Variants in MKI67 observed in about 807,000 individuals in gnomAD.
MKI67 encodes marker of proliferation Ki-67, also known as proliferation marker protein Ki-67.
In MKI67, 152 loss-of-function variants were observed where a neutral mutation model predicts 233.5. The ratio of observed to expected loss-of-function variants is 0.65; its 90% CI spans 0.57 to 0.74. MKI67 has a LOEUF of 0.74. Ranked by LOEUF, MKI67 falls within the 30% of genes least tolerant of loss-of-function variation. The pLI is 0.00. For missense variants in MKI67, 3,940 were observed against 3,885.2 expected, an observed-to-expected ratio of 1.01 and a Z score of -0.37; for synonymous variants, 1,465 against 1,418.5, an observed-to-expected ratio of 1.03 and a Z score of -0.74.
chr10:128,105,725 T>C lies in MKI67; in HGVS notation c.6115A>G (p.Ile2039Val). The change falls in exon 13 of 15, where the codon ATC becomes GTC. Residue 2039 changes from isoleucine to valine, a missense_variant. By Grantham distance (29) the Ile-to-Val change is conservative. Transcript: ENST00000368654. ...HRETAGDGKS[I>V]KAFKESAKQM... ...TTTGCAGATTCCTTAAACGCTTTGA[T>C]GCTCTTTCCATCTCCTGCTGTCTCT... 1.9e-6 allele frequency: 3 copies of C among 1,614,142 alleles called. No homozygotes were observed. Among genetic ancestry groups the C allele is most frequent in the Non-Finnish European group, 2.5e-6 (3 of 1,179,998 alleles).
rs553411474 is a variant in MKI67 at position 128,108,550 on chromosome 10, T to C, written c.3290A>G (p.Gln1097Arg). 3.7e-6 allele frequency: 6 copies of C among 1,614,232 alleles called. No individual in the cohort carries two copies. The East Asian group carries it at 1.1e-4, about 30-fold the overall frequency. Residue 1097 changes from glutamine to arginine, a missense_variant, in exon 13 of 15, where the codon CAG becomes CGG. Coordinates refer to ENST00000368654, the MANE Select transcript of MKI67 (RefSeq NM_002417.5). ...GAAGCCAGCCAGGTCTTCTAGTGAC[T>C]GGGCCTCTTCCTTAGGCGTTCTTGG... ...KWPRTPKEEAQSLEDLAGFKE... is the reference protein window; with the variant it reads ...KWPRTPKEEARSLEDLAGFKE...
At chr10:128,124,886 A>G (rs1853021847) in intron 2 of MKI67, among the ~76,000 whole-genome samples, 1 of 151,952 alleles carries the variant, frequency 6.6e-6, no homozygotes, top group South Asian at 2.1e-4. Flanking sequence ...GGGAGGAACA[A>G]GGTAGGGGAT....
rs376757472 is a variant in MKI67, at chr10:128,104,740, G to T, written c.7100C>A (p.Ala2367Glu). ...KQRPKRNLRK[A>E]DVEEEFLALR... ...TGCTAAAAATTCTTCCTCTACGTCT[G>T]CTTTCCTGAGGTTTCTCTTGGGCCG... The change falls in exon 13 of 15, where the codon GCA (alanine) becomes GAA (glutamate). Residue 2367 changes from alanine (A) to glutamate (E), a missense_variant. Transcript: ENST00000368654. 16 of 1,613,778 alleles carry T rather than the reference G, an allele frequency of 9.9e-6. No homozygotes were observed. Among genetic ancestry groups the T allele is most frequent in the African/African-American group, 2.7e-5 (2 of 74,806 alleles).
In MKI67 at chr10:128,102,812, T is replaced by G. The variant is rs370598785; in HGVS notation, c.9028A>C (p.Lys3010Gln). 2 of 1,614,240 alleles carry G rather than the reference T, an allele frequency of 1.2e-6. No individual in the cohort carries two copies. The highest frequency in any genetic ancestry group is 1.7e-5 in the Admixed American group (1 of 60,030). ...GGTGCTGGCATGCAGCGCAGCCTCT[T>G]GGTTCCCGTGACGCTTCCATCTTTG... ...GGKDGSVTGT[K>Q]RLRCMPAPEE... The change falls in exon 13 of 15, where the codon AAG becomes CAG. Residue 3010 changes from lysine (K) to glutamine (Q), a missense_variant. Lys to Gln is a moderately conservative substitution (Grantham distance 53). Coordinates refer to ENST00000368654, the MANE Select transcript of MKI67 (RefSeq NM_002417.5).
chr10:128,115,887 C>T lies in MKI67; in HGVS notation c.521G>A (p.Ser174Asn). ...AACATTAGTTGTTCCCTGAGCAACA[C>T]TGTCTTTTGAGTCATCTGCGGTACT... ...EDSTADDSKD[S>N]VAQGTTNVHS... Residue 174 changes from serine (S) to asparagine (N), a missense_variant, in exon 7 of 15, where the codon AGT becomes AAT. Coordinates refer to ENST00000368654, the MANE Select transcript of MKI67 (RefSeq NM_002417.5). The T allele has an allele frequency of 6.2e-7, 1 of 1,609,690 alleles. No homozygotes were observed.
chr10:128,106,686 C>G lies in MKI67; in HGVS notation c.5154G>C (p.Gln1718His). 2 of 1,614,146 alleles carry G rather than the reference C, an allele frequency of 1.2e-6. No individual in the cohort carries two copies. Among genetic ancestry groups the G allele is most frequent in the Non-Finnish European group, 1.7e-6 (2 of 1,180,038 alleles). Residue 1718 changes from glutamine (Q) to histidine (H), a missense_variant, in exon 13 of 15, where the codon CAG becomes CAC. Coordinates refer to ENST00000368654, the MANE Select transcript of MKI67 (RefSeq NM_002417.5). ...EDLAGFIELFQTPSHTKESMT... is the reference protein window; with the variant it reads ...EDLAGFIELFHTPSHTKESMT... ...TTGATTCCTTAGTGTGACTTGGTGT[C>G]TGGAAGAGCTCGATGAAGCCGGCCA... is the stretch of plus-strand genomic sequence containing the variant.
Position 128,111,632 on chromosome 10 carries a change from A to T in MKI67, c.2260+13T>A. The stretch of plus-strand genomic sequence containing the variant: ...AGTCAAAAGATTTATAAGATCTAAG[A>T]CTACGTTTTTACCTGAAAGATCTTC... On this transcript the variant is annotated intron_variant, in intron 11 of 14. Transcript: ENST00000368654. 6.2e-7 allele frequency: 1 copy of T among 1,604,222 alleles called. No homozygotes were observed. The highest frequency in any genetic ancestry group is 8.5e-7 in the Non-Finnish European group (1 of 1,175,358).
chr10:128,125,852 G>A lies in MKI67; in HGVS notation c.-89-96C>T, dbSNP rs1853044559. 6.3e-6 allele frequency: 4 copies of A among 633,974 alleles called. No homozygotes were observed. The Admixed American group carries it at 9.9e-5, about 16-fold the overall frequency. 39.3% of individuals were successfully genotyped at this position (633,974 alleles called of 1,614,324 possible). On this transcript the variant is annotated intron_variant, in intron 1 of 14. Transcript: ENST00000368654. This position sits in a 1 kb window ranked among gnomAD's most constrained non-coding sequence, Gnocchi z 5.3. ...CCCGGCCACAGAAGCGCACACCGCA[G>A]CTAGCTAGCGGGGACCCCAGGACGA... is the stretch of plus-strand genomic sequence containing the variant.
chr10:128,126,199 C>T lies in MKI67; in HGVS notation c.-190G>A, dbSNP rs1853051707. ...GAGCCGGCGCCGCGCTCACCTCCGC[C>T]CGGTAAGCTGCGCCCGCCACGCTCC... On this transcript the variant is annotated 5_prime_UTR_variant, in exon 1 of 15. Coordinates refer to ENST00000368654, the MANE Select transcript of MKI67 (RefSeq NM_002417.5). The T allele has an allele frequency of 2.5e-5, 4 of 157,444 alleles. No homozygotes were observed. The South Asian group carries it at 7.2e-4, about 28-fold the overall frequency. 9.8% of individuals were successfully genotyped at this position (157,444 alleles called of 1,614,324 possible). A position where few individuals can be genotyped will look rare whatever the true frequency, so the allele number is the denominator to read the frequency against.
intron 12 of MKI67, among the ~76,000 whole-genome samples, chr10:128,110,131 G>A (rs942060987): frequency 6.6e-6 from 1 of 152,162 alleles, no homozygotes; most frequent in Non-Finnish European, 1.5e-5. Flanking sequence ...CAATAAAGAA[G>A]CCAAAAGTGT....
At chr10:128,112,701 G>C (rs1331911202) in intron 8 of MKI67, among the ~76,000 whole-genome samples, 1 of 152,188 alleles carries the variant, frequency 6.6e-6, no homozygotes, top group Admixed American at 6.5e-5. Flanking sequence ...ATCAGTGAAA[G>C]ACAAGCAGGG....
At chr10:128,121,441 G>T (rs1458081524) in intron 4 of MKI67, among the ~76,000 whole-genome samples, 2 of 134,378 alleles carry the variant, frequency 1.5e-5, no homozygotes, top group Admixed American at 8.0e-5. Flanking sequence ...AGTATATACT[G>T]TATACAGTAT....
chr10:128,119,184 A>G, intron 5 of MKI67, 69 bp downstream of exon 5: 2 of 1,135,972 alleles, frequency 1.8e-6, no homozygotes. Flanking sequence ...GTAAGAAATC[A>G]TTAAAGCATA....
intron 5 of MKI67, among the ~76,000 whole-genome samples, chr10:128,117,210 C>A (rs1201271048): frequency 6.6e-6 from 1 of 152,196 alleles, no homozygotes; most frequent in Non-Finnish European, 1.5e-5. Context: ...GATCTGTAAC[C>A]CCCCACGAGC....
At position 128,106,592 on chromosome 10, in the gene MKI67, T is replaced by C. The variant is rs1852503386; in HGVS notation, c.5248A>G (p.Ser1750Gly). Residue 1750 changes from serine to glycine, a missense_variant, in exon 13 of 15, where the codon AGC becomes GGC. Ser to Gly is a moderately conservative substitution (Grantham distance 56). Coordinates refer to ENST00000368654, the MANE Select transcript of MKI67 (RefSeq NM_002417.5). ...SQPDLVDTPTSSKPQPKRSLR... is the reference protein window; with the variant it reads ...SQPDLVDTPTGSKPQPKRSLR... ...CTTCTCTTGGGCTGTGGCTTGGAGC[T>C]TGTTGGGGTGTCCACTAGGTCTGGC... 1.2e-6 allele frequency: 2 copies of C among 1,614,126 alleles called. No homozygotes were observed. The highest frequency in any genetic ancestry group is 1.7e-6 in the Non-Finnish European group (2 of 1,180,038).
Position 128,103,243 on chromosome 10 carries a change from C to G in MKI67, c.8597G>C (p.Gly2866Ala). The change falls in exon 13 of 15, where the codon GGG becomes GCG. Residue 2866 changes from glycine (G) to alanine (A), a missense_variant. By Grantham distance (60) the Gly-to-Ala change is moderately conservative (BLOSUM62 0). Transcript: ENST00000368654. ...CTCTTTGTCGGTGTGCGTGGTCTCC[C>G]CTGAGGTTTGTGTGAGCTTGCCAAC... ...LAVGKLTQTS[G>A]ETTHTDKEPV... The G allele has an allele frequency of 6.2e-7, 1 of 1,614,154 alleles. No homozygotes were observed.
intron 4 of MKI67, among the ~76,000 whole-genome samples, chr10:128,119,848 G>A (rs1245922659): frequency 6.6e-6 from 1 of 152,192 alleles, no homozygotes; most frequent in Admixed American, 6.5e-5. Flanking sequence ...CATTCAGTCT[G>A]TATCTGAACA....
Position 128,106,532 on chromosome 10 carries a change from C to T in MKI67, c.5308G>A (p.Ala1770Thr). The stretch of plus-strand genomic sequence containing the variant: ...GCTGATGGCGTTTGTTTCCTAAATG[C>T]TAAAAATTCTTCTTCAGTGTCTGCT... ...RKADTEEEFL[A>T]FRKQTPSAGK... Residue 1770 changes from alanine (A) to threonine (T), a missense_variant, in exon 13 of 15, where the codon GCA (alanine) becomes ACA (threonine). Physicochemically the swap from Ala to Thr is moderately conservative, Grantham distance 58. Coordinates refer to ENST00000368654, the MANE Select transcript of MKI67 (RefSeq NM_002417.5). The T allele has an allele frequency of 1.9e-6, 3 of 1,614,074 alleles. No homozygotes were observed. Among genetic ancestry groups the T allele is most frequent in the Non-Finnish European group, 2.5e-6 (3 of 1,179,980 alleles).
intron 8 of MKI67, among the ~76,000 whole-genome samples, chr10:128,112,703 C>T (rs1323061950): frequency 6.6e-6 from 1 of 152,156 alleles, no homozygotes; most frequent in Non-Finnish European, 1.5e-5. Context: ...CAGTGAAAGA[C>T]AAGCAGGGTC....
Sources: allele counts gnomAD v4.1 joint callset (sites outside exome capture counted in the v4.1 genomes callset), GRCh38; gene constraint gnomAD v4.1.1; non-coding constraint Gnocchi (gnomAD v3.1); transcripts MANE v1.5; gene names NCBI Gene and HGNC (gene_info 2026-07-23, HGNC 2026-07-21).